The following MYT1L variants were observed in gnomAD, a reference collection of about 807,000 sequenced individuals.
MYT1L encodes myelin transcription factor 1-like protein.
A neutral mutation model predicts 126.7 loss-of-function variants in MYT1L; 12 were observed. The observed-to-expected ratio is 0.09, with a 90% CI of 0.06 to 0.15. The LOEUF (loss-of-function observed/expected upper bound fraction) is 0.15. Ranked by LOEUF, MYT1L falls within the 10% of genes least tolerant of loss-of-function variation. The pLI is 1.00. For synonymous variants in MYT1L, 541 were observed against 604.2 expected, an observed-to-expected ratio of 0.90 and a Z score of 1.53; for missense variants, 979 against 1,585.2, an observed-to-expected ratio of 0.62 and a Z score of 6.49.
intron 2 of MYT1L, among the ~76,000 whole-genome samples, chr2:2,257,227 T>C (rs932780527): frequency 3.3e-5 from 5 of 152,086 alleles, no homozygotes; most frequent in African/African-American, 1.2e-4. Flanking sequence ...ATACCTCCTG[T>C]GGAGTGAAAA....
rs950464175 is a variant in MYT1L at position 1,791,676 on chromosome 2, T to C, written c.*191A>G. 8 of 547,250 alleles carry C rather than the reference T, an allele frequency of 1.5e-5. No individual in the cohort carries two copies. Among genetic ancestry groups the C allele is most frequent in the Non-Finnish European group, 2.5e-5 (8 of 321,080 alleles). The allele number at this position is 547,250 out of a possible 1,614,324, so 33.9% of individuals were successfully genotyped here. A position where few individuals can be genotyped will look rare whatever the true frequency, so the allele number is the denominator to read the frequency against. On this transcript the variant is annotated 3_prime_UTR_variant, in exon 25 of 25. Coordinates refer to ENST00000647738, the MANE Select transcript of MYT1L (RefSeq NM_001303052.2). The surrounding 1 kb of genome is among the most constrained non-coding windows in gnomAD (Gnocchi z 6.0). Reference sequence around the variant, plus strand: ...AGCTTACATGGAAACGTACAAAATGTGGGTGTATTCAAAAACTATTCTGCA... The same window carrying C: ...AGCTTACATGGAAACGTACAAAATGCGGGTGTATTCAAAAACTATTCTGCA...
In MYT1L at chr2:1,923,364, T is replaced by A. The variant is rs923082214; in HGVS notation, c.506-101A>T. 10 of 962,166 alleles carry A rather than the reference T, an allele frequency of 1.0e-5. No homozygotes were observed. In the East Asian group the frequency reaches 2.4e-4, roughly 23 times the overall value. The allele number at this position is 962,166 out of a possible 1,614,324, so 59.6% of individuals were successfully genotyped here. Reference sequence around the variant, plus strand: ...GCATGGATAGCACGTTAACTGCAAGTCAAACCGTCTATCATCTCACAGAAC... The same window carrying A: ...GCATGGATAGCACGTTAACTGCAAGACAAACCGTCTATCATCTCACAGAAC... On this transcript the variant is annotated intron_variant, in intron 9 of 24. Coordinates refer to ENST00000647738, the MANE Select transcript of MYT1L (RefSeq NM_001303052.2).
At chr2:2,052,166 G>C (rs2150089535) in intron 4 of MYT1L, among the ~76,000 whole-genome samples, 1 of 152,220 alleles carries the variant, frequency 6.6e-6, no homozygotes, top group South Asian at 2.1e-4. Flanking sequence ...AATGATTTTT[G>C]ACAAGGGTGC....
intron 1 of MYT1L, among the ~76,000 whole-genome samples, chr2:2,286,730 A>T (rs1415169747): frequency 6.6e-6 from 1 of 152,208 alleles, no homozygotes; most frequent in Admixed American, 6.5e-5. Flanking sequence ...CAAGGGTGCC[A>T]GCAACACATC....
intron 2 of MYT1L, among the ~76,000 whole-genome samples, chr2:2,267,157 G>T (rs2095152341): frequency 6.6e-6 from 1 of 152,184 alleles, no homozygotes; most frequent in Non-Finnish European, 1.5e-5. Flanking sequence ...TGACGTCTGG[G>T]CAAATGGTAC....
At chr2:1,847,890 GA>G (rs1188079336) in intron 19 of MYT1L, among the ~76,000 whole-genome samples, 1 of 152,146 alleles carries the variant, frequency 6.6e-6, no homozygotes, top group Non-Finnish European at 1.5e-5. Flanking sequence ...GTGGAGGCCA[GA>G]AAACACCACC....
intron 8 of MYT1L, among the ~76,000 whole-genome samples, chr2:1,965,869 C>T (rs964504474): frequency 1.3e-5 from 2 of 152,236 alleles, no homozygotes; most frequent in Non-Finnish European, 2.9e-5. Flanking sequence ...AAAGGCTTTG[C>T]CTGGCATGCA....
chr2:2,234,048 T>G (rs2094223734), intron 2 of MYT1L, among the ~76,000 whole-genome samples: 1 of 152,226 alleles, frequency 6.6e-6, no homozygotes, highest in South Asian at 2.1e-4. Flanking sequence ...CAATCTACTA[T>G]GAAAGTCTAT....
At chr2:1,950,149 C>G (rs1057022442) in intron 8 of MYT1L, among the ~76,000 whole-genome samples, 1 of 147,938 alleles carries the variant, frequency 6.8e-6, no homozygotes, top group African/African-American at 2.5e-5. Flanking sequence ...TTTTTTGAGT[C>G]ACTTGTGTAA....
intron 19 of MYT1L, among the ~76,000 whole-genome samples, chr2:1,843,395 TTACGGTATCCTACCCAGGGAGAGTTAC>T (rs1331152940): frequency 1.4e-4 from 22 of 152,250 alleles, no homozygotes; most frequent in African/African-American, 4.6e-4. Flanking sequence ...AAGGGGGGAA[TTACGGTATCCTACCCAGGGAGAGTTAC>T]TACGGTATCC....
chr2:1,838,630 G>A (rs1366849725), intron 21 of MYT1L, among the ~76,000 whole-genome samples: 1 of 152,184 alleles, frequency 6.6e-6, no homozygotes, highest in Non-Finnish European at 1.5e-5. Context: ...TGACTGCACA[G>A]AACGGGCCTC....
chr2:2,273,848 G>A (rs769166537), intron 2 of MYT1L, among the ~76,000 whole-genome samples: 6 of 152,172 alleles, frequency 3.9e-5, no homozygotes, highest in South Asian at 2.1e-4. Flanking sequence ...GCTTTTATCC[G>A]CCCACAAAAA....
chr2:2,006,762 G>C (rs1053745937), intron 4 of MYT1L, among the ~76,000 whole-genome samples: 1 of 151,858 alleles, frequency 6.6e-6, no homozygotes, highest in Non-Finnish European at 1.5e-5. Context: ...TTTTAGTAGA[G>C]ACGGGGTTTC....
At chr2:2,171,898 G>A (rs2090105380) in intron 3 of MYT1L, among the ~76,000 whole-genome samples, 1 of 152,118 alleles carries the variant, frequency 6.6e-6, no homozygotes, top group African/African-American at 2.4e-5. Flanking sequence ...AAATGGGGCG[G>A]TCGGCAGACA....
intron 2 of MYT1L, among the ~76,000 whole-genome samples, chr2:2,256,815 G>A (rs774509214): frequency 2.6e-5 from 4 of 152,154 alleles, no homozygotes; most frequent in Admixed American, 1.3e-4. Context: ...GTGACAAATG[G>A]GCTGAGGATT....
At position 1,943,381 on chromosome 2, in the gene MYT1L, T is replaced by C. The variant is rs2056882553; in HGVS notation, c.153-47A>G. The C allele has an allele frequency of 2.0e-6, 3 of 1,481,072 alleles. No individual in the cohort carries two copies. Among genetic ancestry groups the C allele is most frequent in the Non-Finnish European group, 2.7e-6 (3 of 1,118,022 alleles). 91.7% of individuals were successfully genotyped at this position (1,481,072 alleles called of 1,614,324 possible). Reference sequence around the variant, plus strand: ...GCAGGGGAGAGAGAGAAAAAAAATATCTGTGTTACTGTCTTTTAAAATCAG... The same window carrying C: ...GCAGGGGAGAGAGAGAAAAAAAATACCTGTGTTACTGTCTTTTAAAATCAG... On this transcript the variant is annotated intron_variant, in intron 8 of 24. Transcript: ENST00000647738. This position sits in a 1 kb window ranked among gnomAD's most constrained non-coding sequence, Gnocchi z 4.4.
chr2:1,926,775 G>C (rs552802923), intron 9 of MYT1L, among the ~76,000 whole-genome samples: 2 of 152,330 alleles, frequency 1.3e-5, no homozygotes, highest in South Asian at 4.1e-4. Flanking sequence ...CTGACCTCAA[G>C]TGATCCTCCT....
intron 19 of MYT1L, among the ~76,000 whole-genome samples, chr2:1,849,788 A>G (rs751125707): frequency 6.6e-6 from 1 of 152,258 alleles, no homozygotes; most frequent in Non-Finnish European, 1.5e-5. Flanking sequence ...TGTGCTTTTC[A>G]TAGACACGTG....
chr2:1,959,524 C>T (rs868096180), intron 8 of MYT1L, among the ~76,000 whole-genome samples: 13 of 152,186 alleles, frequency 8.5e-5, no homozygotes, highest in Non-Finnish European at 7.3e-5. Context: ...CTTATGCCTC[C>T]GTGCCTTCAT....
Sources: allele counts gnomAD v4.1 joint callset (sites outside exome capture counted in the v4.1 genomes callset), GRCh38; gene constraint gnomAD v4.1.1; non-coding constraint Gnocchi (gnomAD v3.1); transcripts MANE v1.5; gene names NCBI Gene and HGNC (gene_info 2026-07-23, HGNC 2026-07-21).